The following KLF8 variants were observed in gnomAD, a reference collection of about 807,000 sequenced individuals.
The protein encoded by KLF8 is KLF transcription factor 8.
Under a neutral mutation model 18.2 loss-of-function variants are expected in KLF8, and 10 were observed. The observed-to-expected ratio is 0.55, with a 90% confidence interval of 0.34 to 0.93. KLF8 has a LOEUF of 0.93. Among genes scored for constraint, KLF8 ranks in the 40% least tolerant of loss-of-function variants. KLF8 has a pLI of 0.02. For missense variants in KLF8, 264 were observed against 277.9 expected (o/e 0.95, Z 0.36); for synonymous variants, 109 against 97.3 (o/e 1.12, Z -0.71).
chrX:55,988,037 T>C, the KLF8 span, among the ~76,000 whole-genome samples: 1 of 112,313 alleles, frequency 8.9e-6, no homozygotes. Flanking sequence ...TGCCCACTTT[T>C]TGACGGGGTT....
the KLF8 span, among the ~76,000 whole-genome samples, chrX:56,181,206 C>G: frequency 6.3e-5 from 7 of 111,643 alleles, no homozygotes; most frequent in Admixed American, 6.6e-4. Context: ...GATCCCTTTA[C>G]CATTATGTAA....
At chrX:56,013,577 A>G in the KLF8 span, among the ~76,000 whole-genome samples, 1 of 111,472 alleles carries the variant, frequency 9.0e-6, no homozygotes, top group Admixed American at 9.5e-5. Context: ...CATAATCCCC[A>G]TGTGTCTTGG....
intron 5 of KLF8, among the ~76,000 whole-genome samples, chrX:56,281,315 C>T (rs1254435422): frequency 8.9e-6 from 1 of 112,104 alleles, no homozygotes; most frequent in African/African-American, 3.2e-5. Flanking sequence ...CACCAGCTGC[C>T]TGGGTTGCTT....
chrX:56,056,802 A>T, the KLF8 span, among the ~76,000 whole-genome samples: 188 of 103,643 alleles, frequency 1.8e-3, no homozygotes, highest in Middle Eastern at 9.6e-3. Flanking sequence ...AGTATATATA[A>T]AAAAAAAAGA....
chrX:56,040,254 A>G, the KLF8 span, among the ~76,000 whole-genome samples: 1 of 111,430 alleles, frequency 9.0e-6, no homozygotes, highest in South Asian at 3.8e-4. Context: ...AGAACTTCCA[A>G]TACTATGTTG....
At chrX:56,084,269 G>C in the KLF8 span, among the ~76,000 whole-genome samples, 1 of 110,625 alleles carries the variant, frequency 9.0e-6, no homozygotes, top group Non-Finnish European at 1.9e-5. Flanking sequence ...TGTGGTCCCA[G>C]CTGCTTGGGA....
the KLF8 span, among the ~76,000 whole-genome samples, chrX:56,096,264 G>C: frequency 9.0e-6 from 1 of 111,059 alleles, no homozygotes; most frequent in Admixed American, 9.6e-5. Flanking sequence ...AGCATAAAGA[G>C]TGGAATAACA....
At chrX:56,278,859 G>A (rs2067159610) in intron 5 of KLF8, among the ~76,000 whole-genome samples, 2 of 111,634 alleles carry the variant, frequency 1.8e-5, no homozygotes, top group Admixed American at 9.5e-5. Flanking sequence ...ATTCCCTTCT[G>A]GCTCTGACTG....
chrX:56,238,740 A>T (rs1488505558), intron 1 of KLF8, among the ~76,000 whole-genome samples: 4 of 111,924 alleles, frequency 3.6e-5, no homozygotes, highest in Non-Finnish European at 5.6e-5. Context: ...AATAGCTTCT[A>T]GTTCTACTTT....
chrX:56,058,973 G>A, the KLF8 span, among the ~76,000 whole-genome samples: 1 of 111,889 alleles, frequency 8.9e-6, no homozygotes, highest in African/African-American at 3.3e-5. Flanking sequence ...CACCAACAGT[G>A]TAAAAGTGTT....
chrX:56,068,884 A>G, the KLF8 span, among the ~76,000 whole-genome samples: 1 of 112,313 alleles, frequency 8.9e-6, no homozygotes, highest in Non-Finnish European at 1.9e-5. Flanking sequence ...TGCTTGCTAG[A>G]GCTTATAGGC....
the KLF8 span, among the ~76,000 whole-genome samples, chrX:55,997,587 C>T: frequency 8.9e-6 from 1 of 111,790 alleles, no homozygotes; most frequent in Non-Finnish European, 1.9e-5. Context: ...GTTCTGTGTC[C>T]TCCCTCTGTC....
At chrX:56,187,318 A>G in the KLF8 span, among the ~76,000 whole-genome samples, 6 of 111,573 alleles carry the variant, frequency 5.4e-5, no homozygotes, top group Non-Finnish European at 1.1e-4. Context: ...CCAAGACTAA[A>G]CCAGGAAGAA....
chrX:56,215,822 CAAAAAAAAAAAAAAAAAAAAAAAAA>C, the KLF8 span, among the ~76,000 whole-genome samples: 77 of 31,384 alleles, frequency 2.5e-3, no homozygotes, highest in African/African-American at 0.022. Context: ...GACTCTGTCT[CAAAAAAAAAAAAAAAAAAAAAAAAA>C]AAAAAAAAAA....
the KLF8 span, among the ~76,000 whole-genome samples, chrX:56,121,103 G>A: frequency 3.8e-5 from 4 of 105,366 alleles, no homozygotes; most frequent in African/African-American, 1.1e-4. Flanking sequence ...GGAGAATGGC[G>A]TGAACCCGGG....
the KLF8 span, among the ~76,000 whole-genome samples, chrX:56,032,792 T>G: frequency 1.8e-5 from 2 of 112,158 alleles, no homozygotes; most frequent in Non-Finnish European, 3.8e-5. Flanking sequence ...TTTAAACATT[T>G]GCAGACAGAT....
chrX:55,999,307 TG>T, the KLF8 span, among the ~76,000 whole-genome samples: 547 of 101,397 alleles, frequency 5.4e-3, no homozygotes, highest in East Asian at 8.0e-3. Flanking sequence ...TGCTTCGTTT[TG>T]TTTTGACTAT....
the KLF8 span, among the ~76,000 whole-genome samples, chrX:56,074,002 C>G: frequency 1.8e-5 from 2 of 111,705 alleles, no homozygotes; most frequent in Non-Finnish European, 3.8e-5. Context: ...CCCACCTTGG[C>G]CTCCCAAAGT....
chrX:56,180,624 C>A, the KLF8 span, among the ~76,000 whole-genome samples: 1 of 110,507 alleles, frequency 9.0e-6, no homozygotes, highest in Non-Finnish European at 1.9e-5. Context: ...CCTCTGTGCA[C>A]TGCTTTAAAT....
Sources: allele counts gnomAD v4.1 joint callset (sites outside exome capture counted in the v4.1 genomes callset), GRCh38; gene constraint gnomAD v4.1.1; transcripts MANE v1.5; gene names NCBI Gene and HGNC (gene_info 2026-07-23, HGNC 2026-07-21).